Variants in USP43 observed in about 807,000 individuals in gnomAD.
USP43 encodes ubiquitin specific peptidase 43.
Under a neutral mutation model 90.7 loss-of-function variants are expected in USP43, and 33 were observed. That is an observed-to-expected ratio of 0.36 (90% CI 0.28 to 0.49). The LOEUF is 0.49. Ranked by LOEUF, USP43 falls within the 20% of genes least tolerant of loss-of-function variation. The pLI is 0.98. For missense variants in USP43, 1,274 were observed against 1,476.4 expected, an observed-to-expected ratio of 0.86 and a Z score of 2.25; for synonymous variants, 598 against 615.8, an observed-to-expected ratio of 0.97 and a Z score of 0.43.
intron 5 of USP43, among the ~76,000 whole-genome samples, chr17:9,679,932 ACACT>A: frequency 6.6e-6 from 1 of 152,130 alleles, no homozygotes; most frequent in Middle Eastern, 3.4e-3. Context: ...TCTGTAGTAA[ACACT>A]CACTTTTTGT....
intron 14 of USP43, among the ~76,000 whole-genome samples, chr17:9,717,360 AGTGTGTGT>A (rs56058514): frequency 2.1e-5 from 3 of 145,566 alleles, no homozygotes; most frequent in Non-Finnish European, 4.5e-5. Context: ...GCTTGGGCAC[AGTGTGTGT>A]GTGTGTGTGT....
rs2152005957 is a variant in USP43, at chr17:9,728,640, A to T, written c.3022A>T (p.Asn1008Tyr). 6.2e-7 allele frequency: 1 copy of T among 1,613,696 alleles called. No individual in the cohort carries two copies. The highest frequency in any genetic ancestry group is 2.2e-5 in the East Asian group (1 of 44,846). ...LLRSVFRKKE[N>Y]RRNERAEVSP... Reference sequence around the variant, plus strand: ...GAGGTCCGTGTTTCGGAAGAAGGAGAACAGGAGGAATGAGAGGGCAGAGGT... The same window carrying T: ...GAGGTCCGTGTTTCGGAAGAAGGAGTACAGGAGGAATGAGAGGGCAGAGGT... The change falls in exon 15 of 15, where the codon AAC (asparagine) becomes TAC (tyrosine). Residue 1008 changes from asparagine to tyrosine, a missense_variant. By Grantham distance (143) the Asn-to-Tyr change is moderately radical. Coordinates refer to ENST00000285199, the MANE Select transcript of USP43 (RefSeq NM_153210.5). The surrounding 1 kb of genome is among the most constrained non-coding windows in gnomAD (Gnocchi z 6.2).
At chr17:9,722,264 C>G (rs915524370) in intron 14 of USP43, among the ~76,000 whole-genome samples, 1 of 152,066 alleles carries the variant, frequency 6.6e-6, no homozygotes, top group Non-Finnish European at 1.5e-5. Context: ...TTTTTGCCTT[C>G]TCTCTTTCGC....
intron 3 of USP43, among the ~76,000 whole-genome samples, chr17:9,670,927 G>A (rs532503992): frequency 1.3e-5 from 2 of 152,192 alleles, no homozygotes; most frequent in Non-Finnish European, 2.9e-5. Context: ...TTCTGCAGTG[G>A]TCAGTGGGGG....
At chr17:9,647,025 C>T (rs1339484240) in intron 1 of USP43, 1 of 129,424 alleles carries the variant, frequency 7.7e-6, no homozygotes, top group Non-Finnish European at 1.6e-5. Flanking sequence ...TGGATTAAAG[C>T]GTTCCTGATA....
intron 14 of USP43, among the ~76,000 whole-genome samples, chr17:9,716,735 G>A (rs1270496921): frequency 2.0e-5 from 3 of 152,160 alleles, no homozygotes; most frequent in Non-Finnish European, 1.5e-5. Flanking sequence ...CAGATTTATG[G>A]TTTCTTGAGT....
At chr17:9,722,420 G>C (rs1003948951) in intron 14 of USP43, among the ~76,000 whole-genome samples, 6 of 152,130 alleles carry the variant, frequency 3.9e-5, no homozygotes, top group Admixed American at 2.6e-4. Flanking sequence ...TATAATTGGA[G>C]CCTTCAGTCC....
chr17:9,707,544 G>A (rs1242725599), intron 12 of USP43, among the ~76,000 whole-genome samples: 4 of 151,526 alleles, frequency 2.6e-5, no homozygotes, highest in African/African-American at 9.7e-5. Context: ...CTACTCGGGA[G>A]GCTGAGGCAG....
chr17:9,697,541 G>A (rs2151986041), intron 9 of USP43, among the ~76,000 whole-genome samples: 1 of 151,998 alleles, frequency 6.6e-6, no homozygotes, highest in South Asian at 2.1e-4. Context: ...ATGTCCATGT[G>A]TACCCACGGT....
In USP43 at chr17:9,728,468, G is replaced by A; in HGVS notation, c.2850G>A (p.Gln950=). The A allele has an allele frequency of 6.2e-7, 1 of 1,613,518 alleles. No individual in the cohort carries two copies. Among genetic ancestry groups the A allele is most frequent in the Non-Finnish European group, 8.5e-7 (1 of 1,179,702 alleles). The change falls in exon 15 of 15, where the codon CAG becomes CAA. Residue 950 remains glutamine (Q), a synonymous_variant. Transcript: ENST00000285199. The surrounding 1 kb of genome is among the most constrained non-coding windows in gnomAD (Gnocchi z 6.2). The part of the protein sequence containing the change: ...EHEKPARPEG[Q]KAMNWKESFQ... Reference sequence around the variant, plus strand: ...AGAAACCAGCTCGACCGGAGGGCCAGAAGGCCATGAACTGGAAGGAGAGCT... The same window carrying A: ...AGAAACCAGCTCGACCGGAGGGCCAAAAGGCCATGAACTGGAAGGAGAGCT...
chr17:9,645,713 G>T lies in USP43; in HGVS notation c.81G>T (p.Leu27=). The T allele has an allele frequency of 7.4e-7, 1 of 1,352,008 alleles. No individual in the cohort carries two copies. The highest frequency in any genetic ancestry group is 1.8e-5 in the South Asian group (1 of 54,078). 83.8% of individuals were successfully genotyped at this position (1,352,008 alleles called of 1,614,324 possible). The part of the protein sequence containing the change: ...RPRRRRSLRR[L]FSRFLLALGS... ...GCCGCCGCCGCTCCCTGCGCCGCCT[G>T]TTCAGCCGCTTCCTGCTGGCGCTGG... Residue 27 remains leucine (L), a synonymous_variant, in exon 1 of 15, where the codon CTG becomes CTT. Transcript: ENST00000285199. This position sits in a 1 kb window ranked among gnomAD's most constrained non-coding sequence, Gnocchi z 6.8.
intron 3 of USP43, among the ~76,000 whole-genome samples, chr17:9,670,806 G>A (rs1913367664): frequency 6.6e-6 from 1 of 152,168 alleles, no homozygotes; most frequent in Admixed American, 6.5e-5. Flanking sequence ...ATGAGTAAGA[G>A]GCGAGGTGTT....
At chr17:9,693,017 A>G (rs1037153945) in intron 8 of USP43, 110 bp from the exon 9 acceptor site, 1 of 852,094 alleles carries the variant, frequency 1.2e-6, no homozygotes. Flanking sequence ...TATTCAAAAT[A>G]CACTATGGAA....
chr17:9,690,265 C>T (rs950953039), intron 8 of USP43, among the ~76,000 whole-genome samples: 4 of 152,238 alleles, frequency 2.6e-5, no homozygotes, highest in African/African-American at 9.6e-5. Context: ...CCTAGGTTTC[C>T]TCCATGGTTT....
chr17:9,668,498 T>C (rs1009511949), intron 3 of USP43, among the ~76,000 whole-genome samples: 1 of 152,220 alleles, frequency 6.6e-6, no homozygotes, highest in Non-Finnish European at 1.5e-5. Context: ...GAAGACCAAA[T>C]AGTCTTTGAA....
chr17:9,694,919 C>T (rs529817867), intron 9 of USP43, among the ~76,000 whole-genome samples: 19 of 152,188 alleles, frequency 1.2e-4, no homozygotes, highest in African/African-American at 4.1e-4. Context: ...CCACCGCACC[C>T]GGCCTATTAT....
chr17:9,660,983 G>C (rs1912604434), intron 2 of USP43, among the ~76,000 whole-genome samples: 1 of 152,174 alleles, frequency 6.6e-6, no homozygotes, highest in Non-Finnish European at 1.5e-5. Context: ...CCCTTTCCTA[G>C]AAGGAAAGCC....
intron 14 of USP43, among the ~76,000 whole-genome samples, chr17:9,716,614 C>A (rs985595816): frequency 1.3e-5 from 2 of 152,130 alleles, no homozygotes. Context: ...GGAACTACCT[C>A]TTCCTTTCTG....
rs575330099 is a variant in USP43 at position 9,654,663 on chromosome 17, AAAAG to A, written c.505-1738_505-1735del. On this transcript the variant is annotated intron_variant, in intron 1 of 14. Transcript: ENST00000285199. Reference sequence around the variant, plus strand: ...AAACACTGTCTTAAAAAAAAAAAAAAAAAGACTCAGAACCAGCATTTCAGTTAAT... The same window carrying A: ...AAACACTGTCTTAAAAAAAAAAAAAAACTCAGAACCAGCATTTCAGTTAAT... 3.2e-3 allele frequency among the ~76,000 whole-genome samples: 485 copies of A among 152,122 alleles called. 2 individuals are homozygous for A. The highest frequency in any genetic ancestry group is 0.011 in the African/African-American group (458 of 41,488).
Sources: allele counts gnomAD v4.1 joint callset (sites outside exome capture counted in the v4.1 genomes callset), GRCh38; gene constraint gnomAD v4.1.1; non-coding constraint Gnocchi (gnomAD v3.1); transcripts MANE v1.5; gene names NCBI Gene and HGNC (gene_info 2026-07-23, HGNC 2026-07-21).